Variants in KCNH1 observed in about 807,000 individuals in gnomAD.
The protein encoded by KCNH1 is potassium voltage-gated channel subfamily H member 1.
KCNH1 carries 27 observed loss-of-function variants against 69.2 expected under a neutral mutation model. The ratio of observed to expected loss-of-function variants is 0.39; its 90% CI spans 0.29 to 0.54. KCNH1 has a LOEUF of 0.54. Ranked by LOEUF, KCNH1 falls within the 20% of genes least tolerant of loss-of-function variation. The pLI is 0.68. For missense variants in KCNH1, 798 were observed against 1,261.6 expected (o/e 0.63, Z 5.57); for synonymous variants, 456 against 487.7 (o/e 0.93, Z 0.86).
intron 5 of KCNH1, among the ~76,000 whole-genome samples, chr1:211,081,006 A>G (rs1299799615): frequency 2.0e-5 from 3 of 152,352 alleles, no homozygotes; most frequent in Admixed American, 2.0e-4. Context: ...ACAGCAAAAG[A>G]AACTACCATC....
In KCNH1 at chr1:211,096,522, G is replaced by C. The variant is rs527717939; in HGVS notation, c.311-5832C>G. Among the ~76,000 whole-genome samples the C allele has an allele frequency of 3.0e-4, 45 of 152,234 alleles. No homozygotes were observed. The South Asian group carries it at 8.9e-3, about 30-fold the overall frequency. On this transcript the variant is annotated intron_variant, in intron 3 of 10. Transcript: ENST00000271751. ...GAAACTGCCTCTGCCTGTTTTTAGG[G>C]AAGAGGGCCAGTCTCAAATATAACA...
chr1:210,889,428 A>G (rs1282867329), intron 7 of KCNH1, among the ~76,000 whole-genome samples: 1 of 152,216 alleles, frequency 6.6e-6, no homozygotes, highest in Non-Finnish European at 1.5e-5. Context: ...GCTATTTATG[A>G]CCACCCCACA....
intron 10 of KCNH1, among the ~76,000 whole-genome samples, chr1:210,744,832 C>T (rs780943388): frequency 6.6e-6 from 1 of 152,030 alleles, no homozygotes; most frequent in Non-Finnish European, 1.5e-5. Context: ...ACCCAAGCGC[C>T]GTTAGTTACC....
intron 10 of KCNH1, among the ~76,000 whole-genome samples, chr1:210,719,230 A>G (rs1465876389): frequency 6.6e-6 from 1 of 152,170 alleles, no homozygotes; most frequent in East Asian, 1.9e-4. Context: ...TCACCACAGA[A>G]AGTTGTATCA....
At chr1:210,795,234 T>G (rs56849437) in intron 9 of KCNH1, among the ~76,000 whole-genome samples, 1 of 152,218 alleles carries the variant, frequency 6.6e-6, no homozygotes, top group South Asian at 2.1e-4. Context: ...CACGTCTCAC[T>G]GCAACCTCCG....
intron 7 of KCNH1, among the ~76,000 whole-genome samples, chr1:210,888,615 C>A (rs940073132): frequency 4.6e-5 from 7 of 152,056 alleles, no homozygotes; most frequent in African/African-American, 1.7e-4. Context: ...ATCAATGAAT[C>A]CAGGAGCTGG....
At chr1:210,819,916 T>C (rs1684894115) in intron 7 of KCNH1, among the ~76,000 whole-genome samples, 1 of 152,234 alleles carries the variant, frequency 6.6e-6, no homozygotes, top group African/African-American at 2.4e-5. Context: ...CCAGTGGTCA[T>C]GCCATGAAGA....
In KCNH1 at chr1:210,972,990, TCA is replaced by T. The variant is rs1353990511; in HGVS notation, c.1032+45791_1032+45792del. ...CATCTACTCACTCTTCTACCCTTTG[TCA>T]TGAGGCATCCATCATTCTATTTCAT... On this transcript the variant is annotated intron_variant, in intron 6 of 10. Coordinates refer to ENST00000271751, the MANE Select transcript of KCNH1 (RefSeq NM_172362.3). Among the ~76,000 whole-genome samples the T allele has an allele frequency of 2.0e-5, 3 of 151,902 alleles. No individual in the cohort carries two copies. In the East Asian group the frequency reaches 5.8e-4, roughly 29 times the overall value.
chr1:211,026,407 A>G (rs1689685941), intron 5 of KCNH1, among the ~76,000 whole-genome samples: 1 of 151,542 alleles, frequency 6.6e-6, no homozygotes, highest in Non-Finnish European at 1.5e-5. Flanking sequence ...AACCACAACA[A>G]CAAAAGCCTA....
intron 7 of KCNH1, among the ~76,000 whole-genome samples, chr1:210,875,693 CTCGGGAAG>C (rs1177908008): frequency 6.6e-6 from 1 of 151,826 alleles, no homozygotes; most frequent in Non-Finnish European, 1.5e-5. Flanking sequence ...ATCCCAGCTA[CTCGGGAAG>C]CTGAGGTGGG....
chr1:211,102,387 G>A (rs899762787), intron 3 of KCNH1, among the ~76,000 whole-genome samples: 65 of 152,144 alleles, frequency 4.3e-4, no homozygotes, highest in African/African-American at 1.5e-3. Flanking sequence ...TGGAAAGACT[G>A]GCATACAGCC....
At chr1:211,011,518 G>C (rs148991831) in intron 6 of KCNH1, among the ~76,000 whole-genome samples, 2,221 of 152,254 alleles carry the variant, frequency 0.015, 47 homozygotes, top group African/African-American at 0.049. Context: ...GGGTCAAATG[G>C]TATTTCTGGT....
At chr1:210,784,925 T>C (rs1174192734) in intron 9 of KCNH1, among the ~76,000 whole-genome samples, 2 of 152,154 alleles carry the variant, frequency 1.3e-5, no homozygotes, top group Non-Finnish European at 2.9e-5. Context: ...AAGGTGGGGT[T>C]TTGTGTTACC....
At chr1:211,102,072 A>T (rs867729096) in intron 3 of KCNH1, among the ~76,000 whole-genome samples, 1 of 152,168 alleles carries the variant, frequency 6.6e-6, no homozygotes, top group Non-Finnish European at 1.5e-5. Context: ...TACCTAAAGT[A>T]CAGATCTTCA....
intron 10 of KCNH1, among the ~76,000 whole-genome samples, chr1:210,710,224 A>AT (rs1278004129): frequency 2.6e-5 from 4 of 151,872 alleles, no homozygotes; most frequent in African/African-American, 7.3e-5. Context: ...AATATAAAAG[A>AT]TAAAAAAAAT....
Position 211,012,719 on chromosome 1 carries a change from C to T in KCNH1, c.1032+6064G>A, listed in dbSNP as rs185040412. Among the ~76,000 whole-genome samples, 24 of 152,208 alleles carry T rather than the reference C, an allele frequency of 1.6e-4. 1 individual carries two copies. The East Asian group carries it at 4.6e-3, about 29-fold the overall frequency. On this transcript the variant is annotated intron_variant, in intron 6 of 10. Transcript: ENST00000271751. ...TGATATGCATCATTACACACTTGTC[C>T]AAACCCATAGAATATATAATCCAAA...
At chr1:211,103,466 G>C in intron 3 of KCNH1, 30 bp downstream of exon 3, 2 of 1,378,388 alleles carry the variant, frequency 1.5e-6, no homozygotes, top group Non-Finnish European at 2.0e-6. Flanking sequence ...AACACATAAA[G>C]GTATGGTTCA....
intron 6 of KCNH1, among the ~76,000 whole-genome samples, chr1:211,000,915 G>C (rs1276888056): frequency 6.6e-6 from 1 of 152,108 alleles, no homozygotes; most frequent in Non-Finnish European, 1.5e-5. Context: ...AATGGGGAAA[G>C]GATTCCCTAT....
At chr1:211,094,706 T>A (rs1011585969) in intron 3 of KCNH1, among the ~76,000 whole-genome samples, 3 of 152,118 alleles carry the variant, frequency 2.0e-5, no homozygotes, top group African/African-American at 4.8e-5. Flanking sequence ...ATGCTAAATT[T>A]AAAAAAATAA....
Sources: gnomAD v4.1 joint callset for allele counts (sites outside exome capture counted in the v4.1 genomes callset) on GRCh38, gnomAD v4.1.1 for gene constraint, MANE v1.5 for transcripts, NCBI Gene and HGNC (gene_info 2026-07-23, HGNC 2026-07-21) for gene names.